The following FGF14 variants were observed in gnomAD, a reference collection of about 807,000 sequenced individuals.
FGF14 encodes the protein fibroblast growth factor 14.
A neutral mutation model predicts 25.5 loss-of-function variants in FGF14; 5 were observed. The observed-to-expected ratio is 0.20, with a 90% CI of 0.10 to 0.41. The LOEUF (loss-of-function observed/expected upper bound fraction) is 0.41, where lower values mean the gene tolerates loss of function less well. Ranked by LOEUF, FGF14 falls within the 10% of genes least tolerant of loss-of-function variation. The pLI, the probability that FGF14 is intolerant of heterozygous loss-of-function variation, is 1.00. For missense variants in FGF14, 222 were observed against 320.1 expected (o/e 0.69, Z 2.34); for synonymous variants, 138 against 118.3 (o/e 1.17, Z -1.08).
intron 1 of FGF14, among the ~76,000 whole-genome samples, chr13:102,014,813 A>G (rs2040255317): frequency 6.6e-6 from 1 of 152,214 alleles, no homozygotes; most frequent in Non-Finnish European, 1.5e-5. Context: ...TTGTTGCAGA[A>G]AAAAGATGGA....
At chr13:102,040,730 A>C (rs578129989) in intron 1 of FGF14, among the ~76,000 whole-genome samples, 1 of 152,266 alleles carries the variant, frequency 6.6e-6, no homozygotes, top group Admixed American at 6.5e-5. Flanking sequence ...AAAAGCTATG[A>C]CATGCATTTT....
At chr13:101,777,745 C>T (rs1292300919) in intron 3 of FGF14, among the ~76,000 whole-genome samples, 7 of 152,084 alleles carry the variant, frequency 4.6e-5, no homozygotes, top group African/African-American at 1.2e-4. Flanking sequence ...GTGGATCACC[C>T]GAGGTCAGGA....
intron 1 of FGF14, among the ~76,000 whole-genome samples, chr13:102,340,214 A>T (rs2056907803): frequency 6.6e-6 from 1 of 152,206 alleles, no homozygotes; most frequent in Admixed American, 6.6e-5. Context: ...ATGTTTTCAG[A>T]TTCAAATTGC....
chr13:102,030,790 A>C (rs1926008), intron 1 of FGF14, among the ~76,000 whole-genome samples: 2,471 of 152,158 alleles, frequency 0.016, 81 homozygotes, highest in African/African-American at 0.057. Context: ...TTTCTCCCTC[A>C]GAGTAATTGT....
intron 1 of FGF14, among the ~76,000 whole-genome samples, chr13:102,072,432 G>A (rs1179842194): frequency 6.6e-6 from 1 of 152,126 alleles, no homozygotes; most frequent in East Asian, 1.9e-4. Flanking sequence ...GATTCATAAG[G>A]AATCATCAAG....
At chr13:102,180,638 A>T (rs1204573452) in intron 1 of FGF14, among the ~76,000 whole-genome samples, 1 of 152,136 alleles carries the variant, frequency 6.6e-6, no homozygotes, top group Non-Finnish European at 1.5e-5. Context: ...GATTTTAAAA[A>T]TATGCTTTTA....
At chr13:101,810,078 T>C (rs73557419) in intron 3 of FGF14, among the ~76,000 whole-genome samples, 1 of 152,178 alleles carries the variant, frequency 6.6e-6, no homozygotes, top group African/African-American at 2.4e-5. Context: ...TAAGACATAA[T>C]GTCAAAACTC....
intron 1 of FGF14, among the ~76,000 whole-genome samples, chr13:102,206,722 G>A (rs149294608): frequency 6.6e-6 from 1 of 152,150 alleles, no homozygotes; most frequent in African/African-American, 2.4e-5. Flanking sequence ...TGTTTTGAAG[G>A]TGTTTGCAGA....
At chr13:101,902,362 TA>T (rs1360686916) in intron 1 of FGF14, among the ~76,000 whole-genome samples, 1 of 152,166 alleles carries the variant, frequency 6.6e-6, no homozygotes, top group African/African-American at 2.4e-5. Context: ...CAGAGGTATT[TA>T]AATGAAAGAG....
At chr13:101,997,711 C>T (rs927582732) in intron 1 of FGF14, among the ~76,000 whole-genome samples, 20 of 152,118 alleles carry the variant, frequency 1.3e-4, no homozygotes, top group African/African-American at 4.8e-4. Context: ...GCAGCATACA[C>T]ATGAGAGAAG....
intron 1 of FGF14, among the ~76,000 whole-genome samples, chr13:102,337,837 A>AT (rs1046480094): frequency 6.6e-6 from 1 of 151,944 alleles, no homozygotes; most frequent in East Asian, 1.9e-4. Flanking sequence ...GATTGTCGGC[A>AT]TTTTTTTTAA....
intron 1 of FGF14, among the ~76,000 whole-genome samples, chr13:102,374,125 C>T (rs767793190): frequency 2.6e-5 from 4 of 152,032 alleles, no homozygotes; most frequent in Non-Finnish European, 5.9e-5. Context: ...CTAAAGCAGA[C>T]CTGAAATGTC....
At chr13:102,236,372 A>G (rs1185148920) in intron 1 of FGF14, among the ~76,000 whole-genome samples, 1 of 152,200 alleles carries the variant, frequency 6.6e-6, no homozygotes, top group Non-Finnish European at 1.5e-5. Flanking sequence ...AGGCCTTTGC[A>G]GAAGGAAAAT....
intron 1 of FGF14, among the ~76,000 whole-genome samples, chr13:101,942,882 T>G (rs1435132607): frequency 6.6e-6 from 1 of 152,236 alleles, no homozygotes; most frequent in East Asian, 1.9e-4. Context: ...TCTTCCTTCC[T>G]TAATGAGGCC....
At chr13:102,160,041 G>A (rs1253020133) in intron 1 of FGF14, among the ~76,000 whole-genome samples, 1 of 152,080 alleles carries the variant, frequency 6.6e-6, no homozygotes, top group Admixed American at 6.6e-5. Context: ...TCTTATTCAA[G>A]GCTGTCTCCT....
At chr13:101,898,630 T>C (rs1393658799) in intron 1 of FGF14, among the ~76,000 whole-genome samples, 3 of 152,148 alleles carry the variant, frequency 2.0e-5, no homozygotes, top group African/African-American at 7.2e-5. Flanking sequence ...TCTTTCTATA[T>C]TTAAGAAGTA....
intron 1 of FGF14, chr13:102,401,391 G>A: frequency 7.5e-7 from 1 of 1,337,472 alleles, no homozygotes. Flanking sequence ...TTCCTGCATA[G>A]CAGAACTGCA....
intron 3 of FGF14, among the ~76,000 whole-genome samples, chr13:101,810,508 T>C (rs1437039955): frequency 6.6e-6 from 1 of 152,192 alleles, no homozygotes; most frequent in Non-Finnish European, 1.5e-5. Context: ...CTGACGACCA[T>C]ATCACTGCTA....
intron 1 of FGF14, among the ~76,000 whole-genome samples, chr13:102,361,994 T>C (rs955149376): frequency 6.6e-6 from 1 of 152,122 alleles, no homozygotes; most frequent in Non-Finnish European, 1.5e-5. Flanking sequence ...TCTTCTCAAT[T>C]TCCATGGCCA....
Sources: gnomAD v4.1 joint callset for allele counts (sites outside exome capture counted in the v4.1 genomes callset) on GRCh38, gnomAD v4.1.1 for gene constraint, MANE v1.5 for transcripts, NCBI Gene and HGNC (gene_info 2026-07-23, HGNC 2026-07-21) for gene names.